Variants in PRKN observed in about 807,000 individuals in gnomAD.
The protein encoded by PRKN is E3 ubiquitin-protein ligase parkin.
Under a neutral mutation model 59.5 loss-of-function variants are expected in PRKN, and 56 were observed. The ratio of observed to expected loss-of-function variants is 0.94; its 90% CI spans 0.76 to 1.18. The LOEUF is 1.18. PRKN is among the 50% of genes most tolerant of loss of function. The pLI is 0.00. For synonymous variants in PRKN, 250 were observed against 222.1 expected (o/e 1.13, Z -1.12); for missense variants, 657 against 596.4 (o/e 1.10, Z -1.06).
chr6:161,687,083 C>A (rs1227853001), intron 7 of PRKN, among the ~76,000 whole-genome samples: 1 of 151,938 alleles, frequency 6.6e-6, no homozygotes, highest in Admixed American at 6.6e-5. Context: ...GGACAATCCT[C>A]TTTTTTAAAG....
intron 2 of PRKN, among the ~76,000 whole-genome samples, chr6:162,397,303 T>A (rs1787523214): frequency 6.6e-6 from 1 of 152,220 alleles, no homozygotes; most frequent in Non-Finnish European, 1.5e-5. Flanking sequence ...AGATTTGAGA[T>A]GTCTGAATTA....
intron 5 of PRKN, among the ~76,000 whole-genome samples, chr6:162,039,038 C>T (rs1317117048): frequency 8.5e-5 from 13 of 152,062 alleles, no homozygotes; most frequent in Admixed American, 2.6e-4. Context: ...CGCCTGTAGT[C>T]CCAGCGACTC....
intron 6 of PRKN, among the ~76,000 whole-genome samples, chr6:161,877,532 T>C (rs1487310843): frequency 6.6e-6 from 1 of 151,054 alleles, no homozygotes; most frequent in African/African-American, 2.4e-5. Context: ...CGATCTCAGC[T>C]CACTGCAAGC....
intron 9 of PRKN, among the ~76,000 whole-genome samples, chr6:161,415,028 T>C (rs933680326): frequency 6.6e-6 from 1 of 152,192 alleles, no homozygotes; most frequent in Non-Finnish European, 1.5e-5. Flanking sequence ...TACCCACGAC[T>C]TCACCGTGAG....
rs546140439 is a variant in PRKN, at chr6:161,566,777, C to T, written c.933+2578G>A. ...CTTCCTCTTTGTTTTGCTCTGTCCT[C>T]CTCCCCTCCCCTCCACCAGTCACAC... On this transcript the variant is annotated intron_variant, in intron 8 of 11. Transcript: ENST00000366898. The surrounding 1 kb of genome is among the most constrained non-coding windows in gnomAD (Gnocchi z 4.1). 2.0e-5 allele frequency among the ~76,000 whole-genome samples: 3 copies of T among 152,138 alleles called. No homozygotes were observed. In the South Asian group the frequency reaches 6.2e-4, roughly 32 times the overall value.
intron 4 of PRKN, among the ~76,000 whole-genome samples, chr6:162,121,870 A>T (rs1032382869): frequency 4.6e-5 from 7 of 152,166 alleles, no homozygotes; most frequent in Admixed American, 6.5e-5. Context: ...AGTACAATAT[A>T]CTGTCACTAA....
At chr6:162,207,148 G>A (rs574173673) in intron 3 of PRKN, among the ~76,000 whole-genome samples, 25 of 152,152 alleles carry the variant, frequency 1.6e-4, no homozygotes, top group African/African-American at 5.3e-4. Context: ...CGAGGCAGGC[G>A]GATCACAAGG....
At chr6:161,839,800 A>G (rs1478489703) in intron 6 of PRKN, among the ~76,000 whole-genome samples, 1 of 152,236 alleles carries the variant, frequency 6.6e-6, no homozygotes, top group Admixed American at 6.5e-5. Context: ...AACACACGGA[A>G]AAAAGTCCAC....
chr6:161,536,984 A>G (rs1779438059), intron 9 of PRKN, among the ~76,000 whole-genome samples: 3 of 152,200 alleles, frequency 2.0e-5, no homozygotes, highest in Non-Finnish European at 4.4e-5. Flanking sequence ...TCTAACAAAG[A>G]TCTTATCTCT....
intron 6 of PRKN, among the ~76,000 whole-genome samples, chr6:161,970,779 C>T (rs1313144384): frequency 6.6e-6 from 1 of 152,134 alleles, no homozygotes; most frequent in Non-Finnish European, 1.5e-5. Flanking sequence ...CTCAGGTGAT[C>T]CACCTGCCTC....
At chr6:162,475,365 C>G (rs1265165303) in intron 1 of PRKN, among the ~76,000 whole-genome samples, 1 of 152,132 alleles carries the variant, frequency 6.6e-6, no homozygotes. Flanking sequence ...TTTTCACTTC[C>G]AAGTCCAGCC....
intron 4 of PRKN, among the ~76,000 whole-genome samples, chr6:162,114,055 T>C (rs1376624970): frequency 1.3e-5 from 2 of 149,860 alleles, no homozygotes; most frequent in East Asian, 3.9e-4. Flanking sequence ...GAGGGCTCTG[T>C]TCTGTTCCAT....
chr6:162,039,116 A>G (rs140054689), intron 5 of PRKN, among the ~76,000 whole-genome samples: 1,887 of 151,922 alleles, frequency 0.012, 29 homozygotes, highest in African/African-American at 0.043. Flanking sequence ...AGATCGCGCC[A>G]CTGCACTCCA....
intron 6 of PRKN, among the ~76,000 whole-genome samples, chr6:161,871,749 T>C (rs1396472837): frequency 6.6e-6 from 1 of 152,176 alleles, no homozygotes; most frequent in Non-Finnish European, 1.5e-5. Context: ...TCCATGGATA[T>C]GGATAGGAAA....
chr6:161,424,550 A>T (rs1379406716), intron 9 of PRKN, among the ~76,000 whole-genome samples: 2 of 151,996 alleles, frequency 1.3e-5, no homozygotes, highest in Non-Finnish European at 2.9e-5. Context: ...CTAGAACATG[A>T]CCACTGAGTT....
chr6:161,750,098 CAT>C (rs72125109), intron 7 of PRKN, among the ~76,000 whole-genome samples: 2,520 of 144,774 alleles, frequency 0.017, 58 homozygotes, highest in African/African-American at 0.054. Context: ...ACACATAGGA[CAT>C]ATATATATAT....
Position 162,727,019 on chromosome 6 carries a change from T to C in PRKN, c.7+643A>G, listed in dbSNP as rs554724761. 4 of 151,572 alleles carry C rather than the reference T, an allele frequency of 2.6e-5. No homozygotes were observed. In the East Asian group the frequency reaches 7.7e-4, roughly 29 times the overall value. The allele number at this position is 151,572 out of a possible 1,614,324, so 9.4% of individuals were successfully genotyped here. A position where few individuals can be genotyped will look rare whatever the true frequency, so the allele number is the denominator to read the frequency against. The stretch of plus-strand genomic sequence containing the variant: ...CTTTTACAAAAAAAAAAAAGAAAGG[T>C]TATTTTGCAAAAGGCAATAGATTTA... On this transcript the variant is annotated intron_variant, in intron 1 of 11. Transcript: ENST00000366898.
At chr6:162,338,585 G>A (rs1212820155) in intron 2 of PRKN, among the ~76,000 whole-genome samples, 12 of 152,116 alleles carry the variant, frequency 7.9e-5, no homozygotes, top group African/African-American at 2.2e-4. Context: ...GTGCAGTGGC[G>A]TGATCTCGGC....
intron 1 of PRKN, among the ~76,000 whole-genome samples, chr6:162,692,574 C>CCG (rs1554262675): frequency 6.6e-6 from 1 of 151,230 alleles, no homozygotes; most frequent in Admixed American, 6.6e-5. Flanking sequence ...AGACAGACCC[C>CCG]CCCCAACAAA....
Sources: gnomAD v4.1 joint callset for allele counts (sites outside exome capture counted in the v4.1 genomes callset) on GRCh38, gnomAD v4.1.1 for gene constraint, Gnocchi (gnomAD v3.1) non-coding constraint, MANE v1.5 for transcripts, NCBI Gene and HGNC (gene_info 2026-07-23, HGNC 2026-07-21) for gene names.